RAB11FIP4: variants seen among roughly 807,000 people sequenced by gnomAD.
RAB11FIP4 encodes the protein RAB11 family interacting protein 4, also known as rab11 family-interacting protein 4.
Under a neutral mutation model 74.3 loss-of-function variants are expected in RAB11FIP4, and 23 were observed. The ratio of observed to expected loss-of-function variants is 0.31; its 90% CI spans 0.22 to 0.44. The LOEUF is 0.44. Ranked by LOEUF, RAB11FIP4 falls within the 20% of genes least tolerant of loss-of-function variation. The probability of loss-of-function intolerance (pLI) is 1.00; values close to 1 mark genes in which losing one functional copy is unlikely to be tolerated. For missense variants in RAB11FIP4, 630 were observed against 863.9 expected (o/e 0.73, Z 3.39); for synonymous variants, 360 against 359.9 (o/e 1.00, Z 0.00).
chr17:31,439,825 A>G (rs980999304), intron 3 of RAB11FIP4, among the ~76,000 whole-genome samples: 1 of 151,996 alleles, frequency 6.6e-6, no homozygotes, highest in Non-Finnish European at 1.5e-5. Context: ...TTTGGTAGAG[A>G]CAGGGTTTTG....
chr17:31,512,556 C>G lies in RAB11FIP4; in HGVS notation c.337-5095C>G, dbSNP rs1470481045. Among the ~76,000 whole-genome samples the G allele has an allele frequency of 6.6e-6, 1 of 152,140 alleles. No homozygotes were observed. Among genetic ancestry groups the G allele is most frequent in the Admixed American group, 6.5e-5 (1 of 15,270 alleles). On this transcript the variant is annotated intron_variant, in intron 3 of 14. Coordinates refer to ENST00000621161, the MANE Select transcript of RAB11FIP4 (RefSeq NM_032932.6). The surrounding 1 kb of genome is among the most constrained non-coding windows in gnomAD (Gnocchi z 4.1). ...AGCCTGGGGTGGTGTGGCCATGTAC[C>G]AGCCAAGCCTGTGGGCCTATGGTGG... is the stretch of plus-strand genomic sequence containing the variant.
rs774305395 is a variant in RAB11FIP4 at position 31,517,833 on chromosome 17, C to T, written c.519C>T (p.Ala173=). ...QSLEGSVGSP[A]EKDGGLGGLF... ...TGGAGGGGTCTGTCGGGAGTCCTGCCGAGAAGGACGGGGGACTTGGGGGCC... is the reference window on the plus strand; with the variant it reads ...TGGAGGGGTCTGTCGGGAGTCCTGCTGAGAAGGACGGGGGACTTGGGGGCC... The change falls in exon 4 of 15, where the codon GCC becomes GCT. Residue 173 remains alanine (A), a synonymous_variant. Transcript: ENST00000621161. 20 of 1,551,666 alleles carry T rather than the reference C, an allele frequency of 1.3e-5. No homozygotes were observed. Among genetic ancestry groups the T allele is most frequent in the Middle Eastern group, 1.7e-4 (1 of 6,012 alleles).
chr17:31,426,883 A>G (rs1441731521), intron 1 of RAB11FIP4, among the ~76,000 whole-genome samples: 1 of 152,076 alleles, frequency 6.6e-6, no homozygotes, highest in Non-Finnish European at 1.5e-5. Flanking sequence ...TACGGGCGCC[A>G]GGCACCACGC....
chr17:31,497,527 G>A (rs1029261065), intron 3 of RAB11FIP4, among the ~76,000 whole-genome samples: 3 of 152,174 alleles, frequency 2.0e-5, no homozygotes, highest in Non-Finnish European at 4.4e-5. Context: ...CAGGGGCCCC[G>A]TCCTTCAGGA....
intron 3 of RAB11FIP4, among the ~76,000 whole-genome samples, chr17:31,505,503 A>ATATAATGT (rs58235078): frequency 1.6e-5 from 1 of 62,798 alleles, no homozygotes; most frequent in Non-Finnish European, 3.2e-5. Context: ...TAATTATTAT[A>ATATAATGT]TTATATATAA....
At chr17:31,521,433 G>T in intron 5 of RAB11FIP4, 73 bp downstream of exon 5, 2 of 1,349,330 alleles carry the variant, frequency 1.5e-6, no homozygotes, top group East Asian at 2.5e-5. Flanking sequence ...CTAGGGGGTG[G>T]GGGGGTGCGA....
intron 3 of RAB11FIP4, among the ~76,000 whole-genome samples, chr17:31,452,679 TC>T (rs1280069840): frequency 6.6e-6 from 1 of 152,168 alleles, no homozygotes; most frequent in Non-Finnish European, 1.5e-5. Flanking sequence ...CATTGCCTCC[TC>T]TGCCCCTCCT....
chr17:31,417,039 A>T (rs1375539319), intron 1 of RAB11FIP4, among the ~76,000 whole-genome samples: 1 of 99,634 alleles, frequency 1.0e-5, no homozygotes, highest in African/African-American at 4.0e-5. Context: ...CCTTCCATCC[A>T]CCCCAGACCC....
chr17:31,470,340 C>A (rs535987096), intron 3 of RAB11FIP4, among the ~76,000 whole-genome samples: 4 of 152,168 alleles, frequency 2.6e-5, no homozygotes, highest in Non-Finnish European at 5.9e-5. Context: ...TGCTCTACCC[C>A]CTGGCACATT....
intron 3 of RAB11FIP4, among the ~76,000 whole-genome samples, chr17:31,435,586 C>T (rs960721928): frequency 1.3e-5 from 2 of 152,200 alleles, no homozygotes; most frequent in African/African-American, 4.8e-5. Context: ...TGATGGGTGC[C>T]TCCTCTGGAC....
intron 14 of RAB11FIP4, among the ~76,000 whole-genome samples, chr17:31,530,746 C>T (rs1050818562): frequency 5.3e-5 from 8 of 152,206 alleles, no homozygotes; most frequent in African/African-American, 1.9e-4. Flanking sequence ...ACATAGCCAG[C>T]TGAGTGGATC....
At chr17:31,491,129 C>T (rs1209733203) in intron 3 of RAB11FIP4, among the ~76,000 whole-genome samples, 2 of 152,258 alleles carry the variant, frequency 1.3e-5, no homozygotes, top group South Asian at 2.1e-4. Flanking sequence ...GCCTATTTGG[C>T]AGTCCCACCT....
At chr17:31,411,380 A>G (rs536069378) in intron 1 of RAB11FIP4, among the ~76,000 whole-genome samples, 3 of 152,210 alleles carry the variant, frequency 2.0e-5, no homozygotes, top group African/African-American at 7.2e-5. Context: ...AAACAAACAA[A>G]CAAACAAACA....
At position 31,463,803 on chromosome 17, in the gene RAB11FIP4, C is replaced by CTTTTTTTTTTTTTTT. The variant is rs60955293; in HGVS notation, c.336+29695_336+29709dup. Among the ~76,000 whole-genome samples the CTTTTTTTTTTTTTTT allele has an allele frequency of 4.9e-4, 16 of 32,842 alleles. 6 individuals are homozygous for CTTTTTTTTTTTTTTT. Among genetic ancestry groups the CTTTTTTTTTTTTTTT allele is most frequent in the African/African-American group, 9.8e-4 (9 of 9,210 alleles). 21.5% of individuals were successfully genotyped at this position (32,842 alleles called of 152,430 possible). A position where few individuals can be genotyped will look rare whatever the true frequency, so the allele number is the denominator to read the frequency against. On this transcript the variant is annotated intron_variant, in intron 3 of 14. Coordinates refer to ENST00000621161, the MANE Select transcript of RAB11FIP4 (RefSeq NM_032932.6). ...ACAGGTGTGAGCCACTGCGCCTGGA[C>CTTTTTTTTTTTTTTT]TTTTTTTTTTTTTTTTTTTTTTTTT...
intron 3 of RAB11FIP4, among the ~76,000 whole-genome samples, chr17:31,495,116 G>C (rs1444686733): frequency 6.6e-6 from 1 of 152,220 alleles, no homozygotes; most frequent in Non-Finnish European, 1.5e-5. Flanking sequence ...GCCACTGCCA[G>C]CCCCCAGCAT....
At chr17:31,492,311 G>C (rs58121922) in intron 3 of RAB11FIP4, among the ~76,000 whole-genome samples, 4,122 of 152,290 alleles carry the variant, frequency 0.027, 139 homozygotes, top group African/African-American at 0.075. Flanking sequence ...GTCTGTCCAG[G>C]TTAGGGCCCC....
chr17:31,398,006 C>T (rs1430785371), intron 1 of RAB11FIP4, among the ~76,000 whole-genome samples: 1 of 152,102 alleles, frequency 6.6e-6, no homozygotes, highest in East Asian at 1.9e-4. Flanking sequence ...TCCCAAGTAG[C>T]TGGCACTGCA....
At chr17:31,461,829 A>C (rs934278316) in intron 3 of RAB11FIP4, among the ~76,000 whole-genome samples, 3 of 152,110 alleles carry the variant, frequency 2.0e-5, no homozygotes, top group African/African-American at 7.2e-5. Flanking sequence ...TACAGAATCG[A>C]AACCCATTTC....
At chr17:31,415,547 C>G (rs977947457) in intron 1 of RAB11FIP4, among the ~76,000 whole-genome samples, 4 of 152,190 alleles carry the variant, frequency 2.6e-5, no homozygotes, top group African/African-American at 9.7e-5. Flanking sequence ...CCCCCAATCC[C>G]CATGCCCACC....
Sources: allele counts gnomAD v4.1 joint callset (sites outside exome capture counted in the v4.1 genomes callset), GRCh38; gene constraint gnomAD v4.1.1; non-coding constraint Gnocchi (gnomAD v3.1); transcripts MANE v1.5; gene names NCBI Gene and HGNC (gene_info 2026-07-23, HGNC 2026-07-21).